The following NUB1 variants were observed in gnomAD, a reference collection of about 807,000 sequenced individuals.
NUB1 encodes NEDD8 ultimate buster 1.
NUB1 carries 41 observed loss-of-function variants against 77.1 expected under a neutral mutation model. The observed-to-expected ratio is 0.53, with a 90% CI of 0.41 to 0.69. The LOEUF is 0.69. Ranked by LOEUF, NUB1 falls within the 30% of genes least tolerant of loss-of-function variation. The pLI, the probability that NUB1 is intolerant of heterozygous loss-of-function variation, is 0.00. For synonymous variants in NUB1, 257 were observed against 281.0 expected (o/e 0.91, Z 0.85); for missense variants, 643 against 743.8 (o/e 0.86, Z 1.58).
At chr7:151,373,703 C>T (rs981692586) in intron 11 of NUB1, among the ~76,000 whole-genome samples, 17 of 152,234 alleles carry the variant, frequency 1.1e-4, no homozygotes, top group African/African-American at 3.9e-4. Flanking sequence ...CTTCCCACCG[C>T]GTGCAGAAGC....
intron 5 of NUB1, among the ~76,000 whole-genome samples, chr7:151,353,517 A>C (rs192715820): frequency 1.3e-5 from 2 of 152,180 alleles, no homozygotes; most frequent in African/African-American, 4.8e-5. Context: ...GCCCCACAAC[A>C]AAGACTTGTC....
At chr7:151,358,807 G>A (rs1201516678) in intron 7 of NUB1, among the ~76,000 whole-genome samples, 1 of 152,176 alleles carries the variant, frequency 6.6e-6, no homozygotes, top group African/African-American at 2.4e-5. Context: ...GCTCACGCCT[G>A]TAATCCCAGC....
intron 3 of NUB1, among the ~76,000 whole-genome samples, chr7:151,350,369 CA>C (rs1372500573): frequency 5.2e-4 from 79 of 152,232 alleles, no homozygotes; most frequent in African/African-American, 1.7e-3. Flanking sequence ...TGCTAAGTAA[CA>C]GGTGCCTTCC....
chr7:151,343,557 T>C (rs1306453213), intron 1 of NUB1, among the ~76,000 whole-genome samples: 3 of 152,182 alleles, frequency 2.0e-5, no homozygotes, highest in African/African-American at 7.2e-5. Context: ...TTTCTTTACT[T>C]ATTGCTTGTC....
chr7:151,346,842 G>T (rs1412485759), intron 2 of NUB1, among the ~76,000 whole-genome samples: 1 of 152,194 alleles, frequency 6.6e-6, no homozygotes, highest in East Asian at 1.9e-4. Flanking sequence ...ACCTGAAGGG[G>T]GTGCTTGTGT....
intron 3 of NUB1, 91 bp downstream of exon 3, chr7:151,349,331 A>C (rs1796679190): frequency 9.2e-7 from 1 of 1,091,448 alleles, no homozygotes; most frequent in Non-Finnish European, 1.3e-6. Flanking sequence ...TTACAATCCA[A>C]AGTCAGAATT....
intron 7 of NUB1, among the ~76,000 whole-genome samples, chr7:151,358,061 C>T (rs1162357931): frequency 5.3e-5 from 8 of 151,936 alleles, no homozygotes; most frequent in Admixed American, 3.3e-4. Context: ...CTGCAACCTC[C>T]GCCTCCCGGG....
chr7:151,371,002 A>G (rs1388318709), intron 11 of NUB1, among the ~76,000 whole-genome samples: 1 of 152,158 alleles, frequency 6.6e-6, no homozygotes, highest in Non-Finnish European at 1.5e-5. Context: ...CTCATCTTAC[A>G]CATGGGAAGA....
In NUB1 at chr7:151,378,267, A is replaced by G. The variant is rs1335869536; in HGVS notation, c.*1042A>G. On this transcript the variant is annotated 3_prime_UTR_variant, in exon 15 of 15. Coordinates refer to ENST00000568733, the MANE Select transcript of NUB1 (RefSeq NM_001243351.2). ...AGTGGATTGAGTGCCAGGTGCATCCAAGACTTTCCCTCCCTTCCAGAAGGC... is the reference window on the plus strand; with the variant it reads ...AGTGGATTGAGTGCCAGGTGCATCCGAGACTTTCCCTCCCTTCCAGAAGGC... 6.6e-6 allele frequency: 1 copy of G among 152,264 alleles called. No individual in the cohort carries two copies. Among genetic ancestry groups the G allele is most frequent in the African/African-American group, 2.4e-5 (1 of 41,434 alleles). The allele number at this position is 152,264 out of a possible 1,614,324, so 9.4% of individuals were successfully genotyped here.
intron 8 of NUB1, among the ~76,000 whole-genome samples, chr7:151,363,429 T>A (rs997288420): frequency 1.4e-5 from 2 of 146,310 alleles, no homozygotes; most frequent in South Asian, 4.3e-4. Context: ...CAATAGAAAC[T>A]ATCTGAAAAA....
At chr7:151,350,767 C>T (rs1796758294) in intron 3 of NUB1, among the ~76,000 whole-genome samples, 1 of 152,128 alleles carries the variant, frequency 6.6e-6, no homozygotes. Flanking sequence ...GGCTTGCCGC[C>T]CACATATATA....
intron 5 of NUB1, among the ~76,000 whole-genome samples, chr7:151,355,354 A>G (rs753744541): frequency 7.2e-5 from 11 of 152,160 alleles, no homozygotes; most frequent in Non-Finnish European, 1.5e-4. Flanking sequence ...TTTACCAATT[A>G]TGTGGCGTGA....
chr7:151,348,878 A>G (rs1796646692), intron 2 of NUB1, among the ~76,000 whole-genome samples, 195 bp from the exon 3 acceptor site: 1 of 152,032 alleles, frequency 6.6e-6, no homozygotes, highest in Non-Finnish European at 1.5e-5. Flanking sequence ...CCCAGTCTCA[A>G]ATAAGTGTTT....
At chr7:151,367,158 G>A (rs1444774919) in intron 9 of NUB1, 33 bp downstream of exon 9, 11 of 1,553,862 alleles carry the variant, frequency 7.1e-6, no homozygotes, top group Non-Finnish European at 9.7e-6. Flanking sequence ...ATGTCTCGTT[G>A]AGTCCATTTC....
In NUB1 at chr7:151,376,741, G is replaced by A; in HGVS notation, c.1599G>A (p.Leu533=). The A allele has an allele frequency of 6.2e-7, 1 of 1,600,384 alleles. No individual in the cohort carries two copies. Among genetic ancestry groups the A allele is most frequent in the Non-Finnish European group, 8.5e-7 (1 of 1,174,468 alleles). Reference sequence around the variant, plus strand: ...CCCTTGCTCACAACGGAGGAAGCCTGCCTCCCGAGCTGCCGCTGTCGCCAG... The same window carrying A: ...CCCTTGCTCACAACGGAGGAAGCCTACCTCCCGAGCTGCCGCTGTCGCCAG... ...AQTLAHNGGS[L]PPELPLSPED... Residue 533 remains leucine, a synonymous_variant, in exon 14 of 15, where the codon CTG becomes CTA. Transcript: ENST00000568733.
chr7:151,342,824 T>C (rs1796274731), intron 1 of NUB1, among the ~76,000 whole-genome samples: 2 of 152,146 alleles, frequency 1.3e-5, no homozygotes, highest in African/African-American at 4.8e-5. Context: ...GATGGCATCT[T>C]TTTAAAAATT....
intron 2 of NUB1, among the ~76,000 whole-genome samples, chr7:151,347,404 C>T (rs931192470): frequency 2.8e-5 from 3 of 105,710 alleles, no homozygotes; most frequent in African/African-American, 1.1e-4. Context: ...CGTAGTGAGA[C>T]CCCGTCTCTA....
At position 151,377,426 on chromosome 7, in the gene NUB1, C is replaced by T. The variant is rs1409016226; in HGVS notation, c.*201C>T. 16 of 435,792 alleles carry T rather than the reference C, an allele frequency of 3.7e-5. No individual in the cohort carries two copies. Among genetic ancestry groups the T allele is most frequent in the African/African-American group, 6.1e-5 (3 of 49,072 alleles). The allele number at this position is 435,792 out of a possible 1,614,324, so 27.0% of individuals were successfully genotyped here. ...GGGGAAGAAGCTTCCTCTGGCCTGG[C>T]GCAGGCCGTTCCATCTGCCTCCCAG... is the stretch of plus-strand genomic sequence containing the variant. On this transcript the variant is annotated 3_prime_UTR_variant, in exon 15 of 15. Transcript: ENST00000568733.
chr7:151,359,731 C>G (rs1032072392), intron 7 of NUB1, among the ~76,000 whole-genome samples: 3 of 152,104 alleles, frequency 2.0e-5, no homozygotes, highest in Middle Eastern at 3.2e-3. Context: ...GACCCGAGAT[C>G]GCACCACTGC....
Sources: allele counts gnomAD v4.1 joint callset (sites outside exome capture counted in the v4.1 genomes callset), GRCh38; gene constraint gnomAD v4.1.1; transcripts MANE v1.5; gene names NCBI Gene and HGNC (gene_info 2026-07-23, HGNC 2026-07-21).